Variants in MALRD1 observed in about 807,000 individuals in gnomAD.
The protein encoded by MALRD1 is MAM and LDL-receptor class A domain-containing protein 1.
In MALRD1, 247 loss-of-function variants were observed where a neutral mutation model predicts 242.1. The observed-to-expected ratio is 1.02, with a 90% CI of 0.92 to 1.13. The LOEUF (loss-of-function observed/expected upper bound fraction) is 1.13. Ranked by LOEUF, MALRD1 falls within the 50% of genes most tolerant of loss-of-function variation. The probability of loss-of-function intolerance (pLI) is 0.00; values close to 1 mark genes in which losing one functional copy is unlikely to be tolerated. For synonymous variants in MALRD1, 995 were observed against 866.6 expected, an observed-to-expected ratio of 1.15 and a Z score of -2.60; for missense variants, 2,989 against 2,533.1, an observed-to-expected ratio of 1.18 and a Z score of -3.86.
Position 19,580,925 on chromosome 10 carries a change from AGTCAAATAGAG to A in MALRD1, c.5680+13238_5680+13248del, listed in dbSNP as rs540618041. On this transcript the variant is annotated intron_variant, in intron 33 of 39. Coordinates refer to ENST00000454679, the MANE Select transcript of MALRD1 (RefSeq NM_001142308.3). ...GCATGCCAGGACTCTCTGAGTCTTTAGTCAAATAGAGGTCAAATAGAGGTCATGTTCCATCT... is the reference window on the plus strand; with the variant it reads ...GCATGCCAGGACTCTCTGAGTCTTTAGTCAAATAGAGGTCATGTTCCATCT... 2.2e-3 allele frequency among the ~76,000 whole-genome samples: 331 copies of A among 152,228 alleles called. 2 individuals are homozygous for A. The highest frequency in any genetic ancestry group is 3.9e-3 in the South Asian group (19 of 4,824).
intron 36 of MALRD1, among the ~76,000 whole-genome samples, chr10:19,634,481 G>C (rs1405289072): frequency 6.6e-6 from 1 of 152,240 alleles, no homozygotes; most frequent in East Asian, 1.9e-4. Context: ...ATGAGATCTA[G>C]TAGAAATGTT....
At chr10:19,591,497 G>GTTTTTTTTTTTTTTTTTTTTTTTT (rs35785107) in intron 33 of MALRD1, among the ~76,000 whole-genome samples, 1 of 116,296 alleles carries the variant, frequency 8.6e-6, no homozygotes. Context: ...TTTTATTTTA[G>GTTTTTTTTTTTTTTTTTTTTTTTT]TTTTTTTTTT....
chr10:19,212,691 A>AG (rs1554812010), intron 18 of MALRD1, among the ~76,000 whole-genome samples: 1 of 151,812 alleles, frequency 6.6e-6, no homozygotes, highest in Non-Finnish European at 1.5e-5. Context: ...AGTTTACACT[A>AG]TTTTTTTATT....
At position 19,315,452 on chromosome 10, in the gene MALRD1, G is replaced by GACTATAATTTATATAAATATATA. The variant is rs1564554786; in HGVS notation, c.3420-8426_3420-8404dup. 2.1e-3 allele frequency among the ~76,000 whole-genome samples: 22 copies of GACTATAATTTATATAAATATATA among 10,514 alleles called. 4 individuals carry two copies. The highest frequency in any genetic ancestry group is 5.4e-3 in the South Asian group (1 of 186). 6.9% of individuals were successfully genotyped at this position (10,514 alleles called of 152,430 possible). A position where few individuals can be genotyped will look rare whatever the true frequency, so the allele number is the denominator to read the frequency against. ...AGAAATATAATTTATATAAATATATGACTATAATTTATATAAATATATAAC... is the reference window on the plus strand; with the variant it reads ...AGAAATATAATTTATATAAATATATGACTATAATTTATATAAATATATAACTATAATTTATATAAATATATAAC... On this transcript the variant is annotated intron_variant, in intron 21 of 39. Coordinates refer to ENST00000454679, the MANE Select transcript of MALRD1 (RefSeq NM_001142308.3).
chr10:19,650,706 G>T (rs762938115), intron 36 of MALRD1, among the ~76,000 whole-genome samples: 1 of 152,182 alleles, frequency 6.6e-6, no homozygotes. Context: ...GTCAATAAAA[G>T]TAGATTGCAG....
chr10:19,481,571 C>T (rs578035961), intron 29 of MALRD1, among the ~76,000 whole-genome samples: 8 of 152,190 alleles, frequency 5.3e-5, no homozygotes, highest in African/African-American at 1.9e-4. Flanking sequence ...CATAATCTTC[C>T]CAAATTATAT....
At chr10:19,374,416 G>T (rs115256638) in intron 26 of MALRD1, among the ~76,000 whole-genome samples, 1,932 of 152,198 alleles carry the variant, frequency 0.013, 34 homozygotes, top group African/African-American at 0.036. Context: ...TTGATATAAA[G>T]CCCAGTAGCA....
chr10:19,371,009 GAT>G (rs1845346989), intron 26 of MALRD1, among the ~76,000 whole-genome samples: 1 of 147,812 alleles, frequency 6.8e-6, no homozygotes, highest in Non-Finnish European at 1.5e-5. Flanking sequence ...TGTTGGATAG[GAT>G]ATCCAAGACC....
chr10:19,335,701 G>A (rs1448182784), intron 24 of MALRD1, among the ~76,000 whole-genome samples: 1 of 152,060 alleles, frequency 6.6e-6, no homozygotes, highest in Non-Finnish European at 1.5e-5. Flanking sequence ...ACTCTGAGAA[G>A]GCTTTGAAAA....
intron 32 of MALRD1, among the ~76,000 whole-genome samples, chr10:19,557,902 T>G (rs1835796631): frequency 6.6e-6 from 1 of 152,106 alleles, no homozygotes; most frequent in South Asian, 2.1e-4. Flanking sequence ...CCTCATGAAA[T>G]AACATCTATT....
intron 33 of MALRD1, among the ~76,000 whole-genome samples, chr10:19,587,959 G>A (rs1233030659): frequency 6.7e-6 from 1 of 149,156 alleles, no homozygotes; most frequent in Non-Finnish European, 1.5e-5. Context: ...TTAAGATCTA[G>A]TAGAAAACAA....
intron 21 of MALRD1, among the ~76,000 whole-genome samples, chr10:19,306,116 C>G (rs556011011): frequency 1.3e-3 from 138 of 107,712 alleles, no homozygotes; most frequent in Non-Finnish European, 1.9e-3. Flanking sequence ...TATATATATA[C>G]TATCTAGTAT....
At chr10:19,518,912 T>G (rs946751829) in intron 31 of MALRD1, among the ~76,000 whole-genome samples, 1 of 152,210 alleles carries the variant, frequency 6.6e-6, no homozygotes, top group Admixed American at 6.5e-5. Context: ...GTTGATTTGC[T>G]TTAGATGTTT....
chr10:19,490,875 C>G (rs1330626114), intron 29 of MALRD1, among the ~76,000 whole-genome samples: 2 of 152,022 alleles, frequency 1.3e-5, no homozygotes, highest in Non-Finnish European at 2.9e-5. Context: ...AGTGTTAGTT[C>G]TCTGTACTTG....
At position 19,390,563 on chromosome 10, in the gene MALRD1, C is replaced by T. The variant is rs138999290; in HGVS notation, c.4845+954C>T. ...CTCTTTACTGAGTTAAAACAGTAGC[C>T]GAAAGGAGATGTATATGTGCACGTG... On this transcript the variant is annotated intron_variant, in intron 28 of 39. Transcript: ENST00000454679. 6.7e-3 allele frequency among the ~76,000 whole-genome samples: 1,021 copies of T among 151,968 alleles called. 12 individuals are homozygous for T. Among genetic ancestry groups the T allele is most frequent in the Non-Finnish European group, 6.4e-3 (435 of 67,974 alleles).
chr10:19,104,281 AC>A (rs750782143), intron 5 of MALRD1, among the ~76,000 whole-genome samples: 10 of 152,298 alleles, frequency 6.6e-5, no homozygotes, highest in Non-Finnish European at 1.2e-4. Flanking sequence ...GCTGTAAAGA[AC>A]TGAATGGGAT....
chr10:19,283,996 G>A lies in MALRD1; in HGVS notation c.3419+815G>A, dbSNP rs555297107. ...GGTGTTAACTGCTACACAGCAGAAGGGAAACAAGGAAAGGGTTTGTTAGTG... is the reference window on the plus strand; with the variant it reads ...GGTGTTAACTGCTACACAGCAGAAGAGAAACAAGGAAAGGGTTTGTTAGTG... On this transcript the variant is annotated intron_variant, in intron 21 of 39. Coordinates refer to ENST00000454679, the MANE Select transcript of MALRD1 (RefSeq NM_001142308.3). Among the ~76,000 whole-genome samples, 360 of 152,276 alleles carry A rather than the reference G, an allele frequency of 2.4e-3. 1 individual carries two copies. Among genetic ancestry groups the A allele is most frequent in the Non-Finnish European group, 3.4e-3 (234 of 68,020 alleles).
intron 18 of MALRD1, among the ~76,000 whole-genome samples, chr10:19,234,897 G>C (rs1445158989): frequency 5.9e-5 from 9 of 152,160 alleles, no homozygotes; most frequent in African/African-American, 2.2e-4. Context: ...GTTTTGAAGT[G>C]TGGGTAGGAG....
At chr10:19,455,260 A>G (rs1039389845) in intron 29 of MALRD1, among the ~76,000 whole-genome samples, 2 of 152,242 alleles carry the variant, frequency 1.3e-5, no homozygotes, top group Non-Finnish European at 2.9e-5. Flanking sequence ...AGAAAGGGTT[A>G]TCGTATCATT....
Sources: gnomAD v4.1 joint callset for allele counts (sites outside exome capture counted in the v4.1 genomes callset) on GRCh38, gnomAD v4.1.1 for gene constraint, MANE v1.5 for transcripts, NCBI Gene and HGNC (gene_info 2026-07-23, HGNC 2026-07-21) for gene names.